POMT2: variants seen among roughly 807,000 people sequenced by gnomAD.
The protein encoded by POMT2 is protein O-mannosyltransferase 2, also known as protein O-mannosyl-transferase 2.
Under a neutral mutation model 100.0 loss-of-function variants are expected in POMT2, and 75 were observed. That is an observed-to-expected ratio of 0.75 (90% CI 0.62 to 0.91). POMT2 has a LOEUF of 0.91. Ranked by LOEUF, POMT2 falls within the 40% of genes least tolerant of loss-of-function variation. The pLI, the probability that POMT2 is intolerant of heterozygous loss-of-function variation, is 0.00. For missense variants in POMT2, 940 were observed against 955.1 expected, an observed-to-expected ratio of 0.98 and a Z score of 0.21; for synonymous variants, 378 against 374.1, an observed-to-expected ratio of 1.01 and a Z score of -0.12.
chr14:77,277,630 T>G, intron 20 of POMT2, 149 bp from the exon 21 acceptor site: 6 of 721,208 alleles, frequency 8.3e-6, no homozygotes, highest in South Asian at 7.5e-5. Flanking sequence ...TGAGTCCCAC[T>G]GGGGCACACT....
At chr14:77,294,718 T>G (rs948870669) in intron 9 of POMT2, among the ~76,000 whole-genome samples, 3 of 152,226 alleles carry the variant, frequency 2.0e-5, no homozygotes, top group African/African-American at 7.2e-5. Flanking sequence ...CCACCGGGGT[T>G]GTGAGGCCTC....
At chr14:77,311,643 CCATGTTGTAG>C (rs1891437669) in intron 2 of POMT2, among the ~76,000 whole-genome samples, 1 of 152,224 alleles carries the variant, frequency 6.6e-6, no homozygotes, top group Non-Finnish European at 1.5e-5. Context: ...CCAGGTTCAT[CCATGTTGTAG>C]CATGTATCAG....
At chr14:77,308,871 T>C (rs1298652296) in intron 2 of POMT2, 3 of 388,206 alleles carry the variant, frequency 7.7e-6, no homozygotes, top group African/African-American at 4.2e-5. Flanking sequence ...CAACGATATA[T>C]GTACAAGGAT....
intron 3 of POMT2, 101 bp downstream of exon 3, chr14:77,306,236 T>G: frequency 6.4e-7 from 1 of 1,552,948 alleles, no homozygotes; most frequent in Non-Finnish European, 8.7e-7. Flanking sequence ...CAAAGTCCCT[T>G]TATTTGCACC....
chr14:77,309,392 T>A (rs959773091), intron 2 of POMT2, among the ~76,000 whole-genome samples: 1 of 151,898 alleles, frequency 6.6e-6, no homozygotes, highest in Admixed American at 6.6e-5. Context: ...AAGTGGCAGG[T>A]CTTGGCCTCA....
chr14:77,285,703 A>T, intron 12 of POMT2, 71 bp from the exon 13 acceptor site: 1 of 1,527,734 alleles, frequency 6.5e-7, no homozygotes, highest in East Asian at 2.2e-5. Context: ...CAGAAAGGGA[A>T]ATGGCCACCC....
intron 9 of POMT2, among the ~76,000 whole-genome samples, chr14:77,293,977 GAATA>G (rs751861409): frequency 2.9e-4 from 44 of 152,142 alleles, no homozygotes; most frequent in Non-Finnish European, 5.9e-4. Flanking sequence ...ACATGACTTA[GAATA>G]ATTTGGACAG....
intron 15 of POMT2, among the ~76,000 whole-genome samples, chr14:77,281,030 GT>G (rs1890207242): frequency 6.6e-6 from 1 of 151,996 alleles, no homozygotes; most frequent in African/African-American, 2.4e-5. Flanking sequence ...AGAGGCGGAG[GT>G]TGCAGTGAGC....
chr14:77,304,620 A>T (rs1173839601), intron 4 of POMT2, 72 bp downstream of exon 4: 63 of 1,542,544 alleles, frequency 4.1e-5, no homozygotes, highest in Non-Finnish European at 5.3e-5. Context: ...CCTTGAATGT[A>T]CTGATTTTCA....
intron 15 of POMT2, among the ~76,000 whole-genome samples, chr14:77,281,742 T>C (rs1890243702): frequency 6.6e-6 from 1 of 152,200 alleles, no homozygotes; most frequent in African/African-American, 2.4e-5. Context: ...GTGTTTAGCA[T>C]TCCTGGCCTC....
At position 77,302,858 on chromosome 14, in the gene POMT2, G is replaced by T; in HGVS notation, c.633C>A (p.Val211=). The T allele has an allele frequency of 6.2e-7, 1 of 1,613,024 alleles. No homozygotes were observed. Among genetic ancestry groups the T allele is most frequent in the South Asian group, 1.1e-5 (1 of 91,038 alleles). The change falls in exon 5 of 21, where the codon GTC becomes GTA. Residue 211 remains valine, a synonymous_variant. Transcript: ENST00000261534. ...ACCTGTCGGCGCAAGAGTTGTACTT[G>T]ACCATGCTCAGCATGGCAGCCATGA... is the stretch of plus-strand genomic sequence containing the variant. ...FFIMAAMLSM[V]KYNSCADRPF...
At chr14:77,285,330 A>G (rs1272348122) in intron 13 of POMT2, 151 bp downstream of exon 13, 1 of 1,068,994 alleles carries the variant, frequency 9.4e-7, no homozygotes, top group African/African-American at 1.6e-5. Flanking sequence ...GTGCTCCATA[A>G]TACACCTGAT....
In POMT2 at chr14:77,280,134, C is replaced by A. The variant is rs567187235; in HGVS notation, c.1726-54G>T. 5.0e-6 allele frequency: 8 copies of A among 1,612,934 alleles called. No individual in the cohort carries two copies. In the Admixed American group the frequency reaches 6.7e-5, roughly 13 times the overall value. On this transcript the variant is annotated intron_variant, in intron 16 of 20. Coordinates refer to ENST00000261534, the MANE Select transcript of POMT2 (RefSeq NM_013382.7). ...CAGGCCCAGCCCATCCTCGGCCACA[C>A]CCATTAGGGGGAGGAAGATGGTCAC...
intron 2 of POMT2, chr14:77,308,891 A>C (rs1397802955): frequency 1.1e-5 from 4 of 354,822 alleles, no homozygotes; most frequent in African/African-American, 2.2e-5. Context: ...TGTTCACTGC[A>C]ATATCTTTTG....
At chr14:77,281,345 A>C (rs1352624665) in intron 15 of POMT2, among the ~76,000 whole-genome samples, 1 of 152,112 alleles carries the variant, frequency 6.6e-6, no homozygotes, top group South Asian at 2.1e-4. Context: ...TATACTGTAC[A>C]TCTTACTTGT....
At chr14:77,302,807 C>G (rs778307696) in intron 5 of POMT2, 28 bp downstream of exon 5, 1 of 1,573,228 alleles carries the variant, frequency 6.4e-7, no homozygotes, top group South Asian at 1.1e-5. Flanking sequence ...GCTTCCAACC[C>G]TCCCCTCCCG....
In POMT2 at chr14:77,278,495, G is replaced by A. The variant is rs746369367; in HGVS notation, c.2046C>T (p.Asp682=). 2.7e-6 allele frequency: 4 copies of A among 1,484,106 alleles called. No homozygotes were observed. Among genetic ancestry groups the A allele is most frequent in the South Asian group, 2.4e-5 (2 of 82,862 alleles). The allele number at this position is 1,484,106 out of a possible 1,614,324, so 91.9% of individuals were successfully genotyped here. A position where few individuals can be genotyped will look rare whatever the true frequency, so the allele number is the denominator to read the frequency against. ...FSSMLTGILW[D]TLLRLCAWGL... is the part of the protein sequence containing the mutation. ...CCCAGGCACAGAGCCGCAGGAGGGT[G>A]TCCCACAGAATGCCTAGAGGAGAGG... The change falls in exon 20 of 21, where the codon GAC becomes GAT. Residue 682 remains aspartate, a synonymous_variant. Coordinates refer to ENST00000261534, the MANE Select transcript of POMT2 (RefSeq NM_013382.7).
intron 8 of POMT2, among the ~76,000 whole-genome samples, chr14:77,296,873 G>A (rs1442510631): frequency 1.3e-5 from 2 of 152,174 alleles, no homozygotes; most frequent in Non-Finnish European, 2.9e-5. Context: ...ACCTGCTCCT[G>A]TTTTTCTTTG....
chr14:77,280,455 AC>A lies in POMT2; in HGVS notation c.1661del (p.Ser554MetfsTer47). The A allele has an allele frequency of 6.2e-7, 1 of 1,614,190 alleles. No homozygotes were observed. The highest frequency in any genetic ancestry group is 1.1e-5 in the South Asian group (1 of 91,092). On this transcript the variant is annotated frameshift_variant, in exon 16 of 21. Coordinates refer to ENST00000261534, the MANE Select transcript of POMT2 (RefSeq NM_013382.7). LOFTEE classifies it high-confidence loss of function. ...ESHMVMIRGN[S>X]GLKPKDNEFT... ...ACTCATTGTCCTTGGGTTTGAGGCC[AC>A]TGTTCCCCTGCATGAAGGTAGCAAA...
Sources: gnomAD v4.1 joint callset for allele counts (sites outside exome capture counted in the v4.1 genomes callset) on GRCh38, gnomAD v4.1.1 for gene constraint, MANE v1.5 for transcripts, NCBI Gene and HGNC (gene_info 2026-07-23, HGNC 2026-07-21) for gene names.